SGK3: variants seen among roughly 807,000 people sequenced by gnomAD.
SGK3 encodes the protein serum/glucocorticoid regulated kinase family member 3.
A neutral mutation model predicts 68.5 loss-of-function variants in SGK3; 47 were observed. The observed-to-expected ratio is 0.69, with a 90% CI of 0.54 to 0.87. The LOEUF (loss-of-function observed/expected upper bound fraction) is 0.87, where lower values mean the gene tolerates loss of function less well. Ranked by LOEUF, SGK3 falls within the 40% of genes least tolerant of loss-of-function variation. The probability of loss-of-function intolerance (pLI) is 0.00; values close to 1 mark genes in which losing one functional copy is unlikely to be tolerated. For missense variants in SGK3, 479 were observed against 575.5 expected (o/e 0.83, Z 1.72); for synonymous variants, 181 against 189.1 (o/e 0.96, Z 0.35).
At chr8:66,851,090 C>T (rs1185595162) in intron 16 of SGK3, among the ~76,000 whole-genome samples, 170 bp downstream of exon 16, 1 of 152,050 alleles carries the variant, frequency 6.6e-6, no homozygotes, top group Non-Finnish European at 1.5e-5. Flanking sequence ...TTCAGGGAGA[C>T]CAGTAAGATT....
chr8:66,805,981 T>G (rs947269813), intron 4 of SGK3, among the ~76,000 whole-genome samples: 2 of 152,244 alleles, frequency 1.3e-5, no homozygotes, highest in African/African-American at 4.8e-5. Flanking sequence ...TATATAATTC[T>G]GCCCACCATT....
intron 8 of SGK3, among the ~76,000 whole-genome samples, chr8:66,832,051 T>C (rs1190385838): frequency 6.6e-6 from 1 of 152,106 alleles, no homozygotes; most frequent in Non-Finnish European, 1.5e-5. Context: ...TGAGGGAAGA[T>C]TCCCACTTAC....
intron 16 of SGK3, among the ~76,000 whole-genome samples, chr8:66,856,068 GTTC>G (rs936534912): frequency 3.4e-5 from 5 of 144,930 alleles, no homozygotes; most frequent in Non-Finnish European, 7.4e-5. Flanking sequence ...GCCCTCAACT[GTTC>G]TTTTTTTTTT....
At chr8:66,754,492 GA>G (rs1458793037) in intron 1 of SGK3, among the ~76,000 whole-genome samples, 1 of 152,078 alleles carries the variant, frequency 6.6e-6, no homozygotes, top group African/African-American at 2.4e-5. Flanking sequence ...AAAATGCTTG[GA>G]ACAGGAAGTG....
At position 66,825,858 on chromosome 8, in the gene SGK3, A is replaced by G. The variant is rs575290173; in HGVS notation, c.418-2796A>G. ...ATATCCTAATACTTTTCATCATTTC[A>G]GAAATGTGCTCCATTAGGGGAATCC... is the stretch of plus-strand genomic sequence containing the variant. On this transcript the variant is annotated intron_variant, in intron 6 of 16. Coordinates refer to ENST00000521198, the MANE Select transcript of SGK3 (RefSeq NM_001033578.3). Among the ~76,000 whole-genome samples, 27 of 152,360 alleles carry G rather than the reference A, an allele frequency of 1.8e-4. 1 individual carries two copies. In the South Asian group the frequency reaches 4.3e-3, roughly 25 times the overall value.
chr8:66,837,345 C>CA (rs1282954176), intron 10 of SGK3, among the ~76,000 whole-genome samples: 2 of 152,156 alleles, frequency 1.3e-5, no homozygotes, highest in African/African-American at 4.8e-5. Flanking sequence ...ATGACTATTT[C>CA]AGCATTTAAC....
chr8:66,713,298 C>G (rs1804544709), intron 1 of SGK3, among the ~76,000 whole-genome samples: 1 of 152,222 alleles, frequency 6.6e-6, no homozygotes, highest in South Asian at 2.1e-4. Context: ...CCTTACGTCT[C>G]TTCAAGTGAA....
chr8:66,822,354 G>T lies in SGK3; in HGVS notation c.330-18G>T. On this transcript the variant is annotated intron_variant, in intron 5 of 16. Coordinates refer to ENST00000521198, the MANE Select transcript of SGK3 (RefSeq NM_001033578.3). ...GAAATGCTTTTGAAGTTATAATAAA[G>T]TTAATTTTTGTTTTTAGTCCAGATG... is the stretch of plus-strand genomic sequence containing the variant. 6.3e-7 allele frequency: 1 copy of T among 1,594,040 alleles called. No homozygotes were observed. The highest frequency in any genetic ancestry group is 8.5e-7 in the Non-Finnish European group (1 of 1,171,966).
intron 8 of SGK3, 135 bp downstream of exon 8, chr8:66,831,446 C>T (rs1280737251): frequency 1.9e-6 from 2 of 1,027,184 alleles, no homozygotes; most frequent in Non-Finnish European, 2.9e-6. Flanking sequence ...CTCAAGCCAT[C>T]CTCCCACCTC....
At chr8:66,713,508 C>T (rs1286972050) in intron 1 of SGK3, among the ~76,000 whole-genome samples, 3 of 152,194 alleles carry the variant, frequency 2.0e-5, no homozygotes, top group East Asian at 1.9e-4. Flanking sequence ...AGTCCTGCAC[C>T]AGAGACTACT....
chr8:66,772,677 C>T (rs1407759442), intron 1 of SGK3, among the ~76,000 whole-genome samples: 1 of 151,998 alleles, frequency 6.6e-6, no homozygotes, highest in Non-Finnish European at 1.5e-5. Flanking sequence ...TCTCCTGCCT[C>T]AGCCTCCTGA....
At chr8:66,768,298 C>A (rs2130481332) in intron 1 of SGK3, among the ~76,000 whole-genome samples, 1 of 152,170 alleles carries the variant, frequency 6.6e-6, no homozygotes, top group East Asian at 1.9e-4. Context: ...GTTACTATTT[C>A]AAGTGCTCTT....
At chr8:66,764,456 G>A (rs563798468) in intron 1 of SGK3, among the ~76,000 whole-genome samples, 1 of 151,878 alleles carries the variant, frequency 6.6e-6, no homozygotes, top group Non-Finnish European at 1.5e-5. Flanking sequence ...AATTTAATTT[G>A]TACATTATCT....
At chr8:66,742,453 A>G (rs931032173) in intron 1 of SGK3, among the ~76,000 whole-genome samples, 3 of 151,988 alleles carry the variant, frequency 2.0e-5, no homozygotes, top group African/African-American at 7.3e-5. Flanking sequence ...CTGTGCCCCA[A>G]ACTCTTGGCC....
chr8:66,745,927 A>C (rs1187231673), intron 1 of SGK3, among the ~76,000 whole-genome samples: 1 of 152,132 alleles, frequency 6.6e-6, no homozygotes, highest in Admixed American at 6.5e-5. Context: ...ACACCTCCCA[A>C]AAGAGCCCAC....
At chr8:66,791,302 T>C (rs1457691007) in intron 1 of SGK3, among the ~76,000 whole-genome samples, 8 of 152,170 alleles carry the variant, frequency 5.3e-5, no homozygotes, top group Non-Finnish European at 1.2e-4. Context: ...TGTGCTACTT[T>C]AGTGTGCAGT....
Position 66,831,444 on chromosome 8 carries a change from A to G in SGK3, c.525+133A>G, listed in dbSNP as rs572654554. The G allele has an allele frequency of 6.8e-4, 722 of 1,057,186 alleles. 3 individuals are homozygous for G. In the African/African-American group the frequency reaches 7.3e-3, roughly 11 times the overall value. The allele number at this position is 1,057,186 out of a possible 1,614,324, so 65.5% of individuals were successfully genotyped here. ...ACACTTGAACTCCTGGGCTCAAGCC[A>G]TCCTCCCACCTCAGCCTCCCGAGTA... is the stretch of plus-strand genomic sequence containing the variant. On this transcript the variant is annotated intron_variant, in intron 8 of 16. Coordinates refer to ENST00000521198, the MANE Select transcript of SGK3 (RefSeq NM_001033578.3).
intron 2 of SGK3, 75 bp downstream of exon 2, chr8:66,793,907 A>G: frequency 6.9e-7 from 1 of 1,456,440 alleles, no homozygotes. Flanking sequence ...TTTCTTCTCC[A>G]ACCTAGAACA....
At chr8:66,723,824 T>C (rs978386709) in intron 1 of SGK3, among the ~76,000 whole-genome samples, 1 of 152,216 alleles carries the variant, frequency 6.6e-6, no homozygotes, top group African/African-American at 2.4e-5. Context: ...ATTTAGTCCA[T>C]TCTGACACAA....
Sources: allele counts gnomAD v4.1 joint callset (sites outside exome capture counted in the v4.1 genomes callset), GRCh38; gene constraint gnomAD v4.1.1; transcripts MANE v1.5; gene names NCBI Gene and HGNC (gene_info 2026-07-23, HGNC 2026-07-21).